MYOM2: variants seen among roughly 807,000 people sequenced by gnomAD.
MYOM2 encodes myomesin 2, also known as myomesin-2.
MYOM2 carries 254 observed loss-of-function variants against 187.6 expected under a neutral mutation model. That is an observed-to-expected ratio of 1.35 (90% CI 1.22 to 1.50). The LOEUF is 1.50. MYOM2 is among the 40% of genes most tolerant of loss of function. MYOM2 has a pLI of 0.00. For missense variants in MYOM2, 2,796 were observed against 1,924.0 expected (o/e 1.45, Z -8.48); for synonymous variants, 981 against 753.8 (o/e 1.30, Z -4.94).
Position 2,144,996 on chromosome 8 carries a change from C to T in MYOM2, c.*15C>T, listed in dbSNP as rs1321536773. 3.7e-6 allele frequency: 6 copies of T among 1,610,042 alleles called. No individual in the cohort carries two copies. In the African/African-American group the frequency reaches 5.4e-5, roughly 14 times the overall value. ...CAGGCCAGTGAAGGCGTTTTCCTAG[C>T]CTGGAGATGGGAAAATATGCTTGGC... On this transcript the variant is annotated 3_prime_UTR_variant, in exon 37 of 37. Transcript: ENST00000262113.
chr8:2,125,618 T>C (rs1403480153), intron 31 of MYOM2, among the ~76,000 whole-genome samples: 2 of 138,840 alleles, frequency 1.4e-5, no homozygotes, highest in Non-Finnish European at 3.1e-5. Context: ...TTTTTTTTTT[T>C]TTTTTTTTGA....
chr8:2,049,490 C>T (rs1818414261), intron 1 of MYOM2, among the ~76,000 whole-genome samples: 1 of 152,226 alleles, frequency 6.6e-6, no homozygotes, highest in South Asian at 2.1e-4. Context: ...CTAGCACGTA[C>T]CCTGGAGATC....
Position 2,144,939 on chromosome 8 carries a change from G to A in MYOM2, c.4356G>A (p.Lys1452=), listed in dbSNP as rs1376505572. 3.1e-6 allele frequency: 5 copies of A among 1,614,200 alleles called. No homozygotes were observed. Among genetic ancestry groups the A allele is most frequent in the African/African-American group, 1.3e-5 (1 of 75,060 alleles). ...ACATGGCCCCGCCCCAGCAAGCCAA[G>A]CCCAAGCTCATCCCCGCGTCTGCCT... ...IPDMAPPQQA[K]PKLIPASASA... Residue 1452 remains lysine (K), a synonymous_variant, in exon 37 of 37, where the codon AAG becomes AAA. Transcript: ENST00000262113.
Position 2,069,612 on chromosome 8 carries a change from C to T in MYOM2, c.793+115C>T, listed in dbSNP as rs1211104811. On this transcript the variant is annotated intron_variant, in intron 8 of 36. Coordinates refer to ENST00000262113, the MANE Select transcript of MYOM2 (RefSeq NM_003970.4). Reference sequence around the variant, plus strand: ...TTTTTTTTTTTTTGAGACGGAGTCTCACTCTGTCACCCAGGCTGGAGTGCA... The same window carrying T: ...TTTTTTTTTTTTTGAGACGGAGTCTTACTCTGTCACCCAGGCTGGAGTGCA... The T allele has an allele frequency of 3.0e-5, 39 of 1,296,670 alleles. No homozygotes were observed. In the Admixed American group the frequency reaches 6.3e-4, roughly 21 times the overall value. 80.3% of individuals were successfully genotyped at this position (1,296,670 alleles called of 1,614,324 possible).
chr8:2,083,857 C>T (rs1192339062), intron 13 of MYOM2, among the ~76,000 whole-genome samples: 2 of 152,198 alleles, frequency 1.3e-5, no homozygotes, highest in African/African-American at 4.8e-5. Flanking sequence ...TGTGTTCTTC[C>T]TTCTCACCTT....
intron 6 of MYOM2, 115 bp from the exon 7 acceptor site, chr8:2,069,163 T>C: frequency 1.0e-6 from 1 of 977,402 alleles, no homozygotes; most frequent in East Asian, 2.6e-5. Flanking sequence ...AAATCACTCA[T>C]GAACAAATAA....
intron 19 of MYOM2, among the ~76,000 whole-genome samples, chr8:2,099,523 T>C (rs893559615): frequency 2.6e-5 from 4 of 152,114 alleles, no homozygotes; most frequent in Non-Finnish European, 5.9e-5. Context: ...CATCTGGGGA[T>C]CTCGGGGCTT....
intron 10 of MYOM2, among the ~76,000 whole-genome samples, chr8:2,074,828 C>T (rs1452821692): frequency 6.6e-6 from 1 of 152,222 alleles, no homozygotes; most frequent in Non-Finnish European, 1.5e-5. Flanking sequence ...TCAGCAGCCT[C>T]TGGGTTTAGG....
chr8:2,136,406 G>T (rs72621162), intron 32 of MYOM2, among the ~76,000 whole-genome samples: 19,666 of 152,180 alleles, frequency 0.13, 2,215 homozygotes, highest in African/African-American at 0.28. Flanking sequence ...AAGTGGGCCA[G>T]TGTGTGATTT....
intron 32 of MYOM2, among the ~76,000 whole-genome samples, chr8:2,131,433 T>G (rs1166324789): frequency 1.3e-5 from 2 of 150,944 alleles, no homozygotes; most frequent in Admixed American, 6.6e-5. Flanking sequence ...CCAAGCCCAG[T>G]GAAGAGGGTG....
intron 3 of MYOM2, among the ~76,000 whole-genome samples, chr8:2,056,935 C>A (rs1211796249): frequency 1.3e-5 from 2 of 152,166 alleles, no homozygotes; most frequent in Non-Finnish European, 2.9e-5. Context: ...AGATGAGTAA[C>A]AATGTCTCTG....
At chr8:2,140,689 C>G (rs916766269) in intron 32 of MYOM2, 34 bp from the exon 33 acceptor site, 7 of 1,609,438 alleles carry the variant, frequency 4.3e-6, no homozygotes, top group African/African-American at 2.7e-5. Context: ...CATGGAGACC[C>G]TAACTCAGAT....
intron 3 of MYOM2, among the ~76,000 whole-genome samples, chr8:2,053,531 C>G (rs1202332049): frequency 6.6e-6 from 1 of 152,206 alleles, no homozygotes; most frequent in East Asian, 1.9e-4. Flanking sequence ...AATTTCCCTG[C>G]TGGTAAAATG....
At chr8:2,096,022 TAC>T (rs1796469741) in intron 17 of MYOM2, among the ~76,000 whole-genome samples, 1 of 152,188 alleles carries the variant, frequency 6.6e-6, no homozygotes, top group Admixed American at 6.5e-5. Context: ...GAAATAGCAA[TAC>T]ATATATATGA....
chr8:2,130,242 C>G (rs1797813882), intron 32 of MYOM2, among the ~76,000 whole-genome samples: 2 of 140,668 alleles, frequency 1.4e-5, no homozygotes, highest in African/African-American at 5.8e-5. Flanking sequence ...CCAGGGCGCC[C>G]ACACCCCGCC....
At chr8:2,128,208 C>A (rs1797723653) in intron 31 of MYOM2, among the ~76,000 whole-genome samples, 1 of 152,148 alleles carries the variant, frequency 6.6e-6, no homozygotes, top group South Asian at 2.1e-4. Flanking sequence ...AAGGCTCTTT[C>A]AGGATTTAGG....
chr8:2,069,479 GT>G lies in MYOM2; in HGVS notation c.776del (p.Val259GlyfsTer12), dbSNP rs1563427689. 6.2e-7 allele frequency: 1 copy of G among 1,614,218 alleles called. No individual in the cohort carries two copies. Among genetic ancestry groups the G allele is most frequent in the South Asian group, 1.1e-5 (1 of 91,086 alleles). ...FRGDEEPFRS[V>X]GLPIGLPLSS... ...GGGAGACGAGGAACCATTCCGTTCG[GT>G]GGGACTCCCGATTGGATGTAAGTGG... On this transcript the variant is annotated frameshift_variant, in exon 8 of 37. Coordinates refer to ENST00000262113, the MANE Select transcript of MYOM2 (RefSeq NM_003970.4). LOFTEE classifies it high-confidence loss of function.
rs116340951 is a variant in MYOM2, at chr8:2,101,726, A to C, written c.2619+672A>C. ...TGTGCTTTCCAAAGGGATGGTGCCT[A>C]TTGTATTATGTCCTTCCACTTCACG... On this transcript the variant is annotated intron_variant, in intron 20 of 36. Transcript: ENST00000262113. Among the ~76,000 whole-genome samples the C allele has an allele frequency of 9.6e-3, 1,457 of 152,246 alleles. 23 individuals are homozygous for C. Among genetic ancestry groups the C allele is most frequent in the African/African-American group, 0.034 (1,393 of 41,520 alleles).
chr8:2,137,191 T>C (rs5023999), intron 32 of MYOM2, among the ~76,000 whole-genome samples: 15 of 151,282 alleles, frequency 9.9e-5, no homozygotes, highest in African/African-American at 3.4e-4. Context: ...GAGTTAATGG[T>C]GATCAAGAAA....
Sources: gnomAD v4.1 joint callset for allele counts (sites outside exome capture counted in the v4.1 genomes callset) on GRCh38, gnomAD v4.1.1 for gene constraint, MANE v1.5 for transcripts, NCBI Gene and HGNC (gene_info 2026-07-23, HGNC 2026-07-21) for gene names.